Variants in HSD17B13 observed in about 807,000 individuals in gnomAD.
HSD17B13 encodes 17-beta-hydroxysteroid dehydrogenase 13.
In HSD17B13, 26 loss-of-function variants were observed where a neutral mutation model predicts 31.1. The ratio of observed to expected loss-of-function variants is 0.84; its 90% CI spans 0.61 to 1.16. The LOEUF (loss-of-function observed/expected upper bound fraction) is 1.16. Among genes scored for constraint, HSD17B13 ranks in the 50% most tolerant of loss-of-function variants. The probability of loss-of-function intolerance (pLI) is 0.00; values close to 1 mark genes in which losing one functional copy is unlikely to be tolerated. For synonymous variants in HSD17B13, 141 were observed against 133.7 expected (o/e 1.05, Z -0.38); for missense variants, 374 against 366.5 (o/e 1.02, Z -0.17).
Position 87,309,384 on chromosome 4 carries a change from CAA to C in HSD17B13, c.812+857_812+858del, listed in dbSNP as rs369280214. Among the ~76,000 whole-genome samples, 119 of 50,080 alleles carry C rather than the reference CAA, an allele frequency of 2.4e-3. 1 individual carries two copies. Among genetic ancestry groups the C allele is most frequent in the Admixed American group, 4.6e-3 (17 of 3,726 alleles). The allele number at this position is 50,080 out of a possible 152,430, so 32.9% of individuals were successfully genotyped here. On this transcript the variant is annotated intron_variant, in intron 6 of 6. Coordinates refer to ENST00000328546, the MANE Select transcript of HSD17B13 (RefSeq NM_178135.5). ...GGGCAACAAGGGTGAAACTCTGTCT[CAA>C]AAAAAAAAAAAAAAAAAAAAAAAAG...
chr4:87,305,874 A>G (rs1042838356), intron 6 of HSD17B13, among the ~76,000 whole-genome samples: 3 of 152,206 alleles, frequency 2.0e-5, no homozygotes, highest in Admixed American at 1.3e-4. Context: ...TGATTACAGC[A>G]TCAAGACATT....
chr4:87,315,682 A>C (rs990411865), intron 3 of HSD17B13, 83 bp from the exon 4 acceptor site: 5 of 739,922 alleles, frequency 6.8e-6, no homozygotes, highest in Non-Finnish European at 1.1e-5. Flanking sequence ...TTGTTAAGAC[A>C]GAAAGGCATT....
At position 87,322,741 on chromosome 4, in the gene HSD17B13, A is replaced by T. The variant is rs778576595; in HGVS notation, c.101T>A (p.Val34Glu). 6.2e-7 allele frequency: 1 copy of T among 1,614,128 alleles called. No homozygotes were observed. The highest frequency in any genetic ancestry group is 8.5e-7 in the Non-Finnish European group (1 of 1,179,962). The stretch of plus-strand genomic sequence containing the variant: ...AGTAATGAGAACAATCTCCCCAGCC[A>T]CAGATTTTCTCCTCTGAGGAATGAA... ...KFFIPQRRKS[V>E]AGEIVLITGA... is the part of the protein sequence containing the mutation. Residue 34 changes from valine to glutamate, a missense_variant, in exon 1 of 7, where the codon GTG (valine) becomes GAG (glutamate). Physicochemically the swap from Val to Glu is moderately radical, Grantham distance 121 (BLOSUM62 -2). Coordinates refer to ENST00000328546, the MANE Select transcript of HSD17B13 (RefSeq NM_178135.5).
At chr4:87,312,561 G>A (rs867119396) in intron 5 of HSD17B13, among the ~76,000 whole-genome samples, 3 of 108,386 alleles carry the variant, frequency 2.8e-5, no homozygotes, top group Admixed American at 1.5e-4. Flanking sequence ...ACGGAGTCTC[G>A]CTCTGTCGCC....
intron 5 of HSD17B13, among the ~76,000 whole-genome samples, chr4:87,310,738 T>C (rs1238791804): frequency 6.6e-6 from 1 of 152,248 alleles, no homozygotes; most frequent in African/African-American, 2.4e-5. Context: ...GAGAAAATTC[T>C]ATAGCTAAGT....
chr4:87,315,956 T>C (rs1247589667), intron 3 of HSD17B13, among the ~76,000 whole-genome samples: 2 of 152,134 alleles, frequency 1.3e-5, no homozygotes, highest in African/African-American at 4.8e-5. Context: ...AATTTTTTGG[T>C]TTGGGGCTTT....
chr4:87,312,358 A>G (rs1391602961), intron 5 of HSD17B13, among the ~76,000 whole-genome samples: 1 of 152,192 alleles, frequency 6.6e-6, no homozygotes, highest in Non-Finnish European at 1.5e-5. Flanking sequence ...GACAATGTGC[A>G]GCTCTCTGGA....
Position 87,313,971 on chromosome 4 carries a change from A to G in HSD17B13, c.558-11T>C. The G allele has an allele frequency of 2.0e-6, 3 of 1,529,836 alleles. No homozygotes were observed. The highest frequency in any genetic ancestry group is 2.6e-6 in the Non-Finnish European group (3 of 1,138,562). The allele number at this position is 1,529,836 out of a possible 1,614,324, so 94.8% of individuals were successfully genotyped here. ...GCAAATTTGCTGGAACTGTAAGAGA[A>G]TTATTAAGCATTGTTAGCTAAGGGA... On this transcript the variant is annotated splice_polypyrimidine_tract_variant and intron_variant, in intron 4 of 6. Transcript: ENST00000328546.
chr4:87,308,932 CAA>C (rs57491954), intron 6 of HSD17B13, among the ~76,000 whole-genome samples: 1 of 127,040 alleles, frequency 7.9e-6, no homozygotes, highest in Non-Finnish European at 1.6e-5. Flanking sequence ...AGGAATCTAC[CAA>C]AAAAAAAAAA....
intron 2 of HSD17B13, 105 bp from the exon 3 acceptor site, chr4:87,317,328 C>G: frequency 8.8e-7 from 1 of 1,134,640 alleles, no homozygotes; most frequent in Non-Finnish European, 1.3e-6. Context: ...TGTATGAGGT[C>G]TCTCAGAGTT....
chr4:87,311,838 A>T (rs978927762), intron 5 of HSD17B13, among the ~76,000 whole-genome samples: 2 of 152,180 alleles, frequency 1.3e-5, no homozygotes, highest in Non-Finnish European at 2.9e-5. Flanking sequence ...AACAGAGAGT[A>T]ATACAAATCA....
chr4:87,321,184 C>G (rs193166379), intron 1 of HSD17B13, among the ~76,000 whole-genome samples: 1 of 152,108 alleles, frequency 6.6e-6, no homozygotes, highest in Admixed American at 6.5e-5. Flanking sequence ...TGTGCACCCC[C>G]GCACCCAGCT....
rs1734589266 is a variant in HSD17B13 at position 87,313,869 on chromosome 4, A to G, written c.649T>C (p.Cys217Arg). Residue 217 changes from cysteine (C) to arginine (R), a missense_variant, in exon 5 of 7, where the codon TGC becomes CGC. By Grantham distance (180) the Cys-to-Arg change is radical. Transcript: ENST00000328546. ...GKTGIKTSCL[C>R]PVFVNTGFTK... ...AACCCAGTATTCACAAAAACTGGGC[A>G]GAGACATGAGGTTTTGATACCAGTT... 6.2e-7 allele frequency: 1 copy of G among 1,612,644 alleles called. No individual in the cohort carries two copies. Among genetic ancestry groups the G allele is most frequent in the Admixed American group, 1.7e-5 (1 of 59,762 alleles).
chr4:87,312,880 T>C (rs111862966), intron 5 of HSD17B13, among the ~76,000 whole-genome samples: 9,358 of 151,414 alleles, frequency 0.062, 924 homozygotes, highest in African/African-American at 0.21. Context: ...GCCAACATGG[T>C]GAAACCCCGT....
At position 87,318,760 on chromosome 4, in the gene HSD17B13, T is replaced by C. The variant is rs112880953; in HGVS notation, c.211-324A>G. Among the ~76,000 whole-genome samples the C allele has an allele frequency of 3.7e-3, 517 of 138,918 alleles. 3 individuals are homozygous for C. The highest frequency in any genetic ancestry group is 0.013 in the African/African-American group (478 of 36,536). The allele number at this position is 138,918 out of a possible 152,430, so 91.1% of individuals were successfully genotyped here. ...TTGCAGTGAGTGGAGATAGTGCCACTGGACTCCAGCCTGGGCAACAGAGTG... is the reference window on the plus strand; with the variant it reads ...TTGCAGTGAGTGGAGATAGTGCCACCGGACTCCAGCCTGGGCAACAGAGTG... On this transcript the variant is annotated intron_variant, in intron 1 of 6. Transcript: ENST00000328546.
rs142648167 is a variant in HSD17B13, at chr4:87,313,916, G to C, written c.602C>G (p.Ser201Ter). The change falls in exon 5 of 7, where the codon TCA becomes TGA. Residue 201 changes from serine to a stop codon, truncating the protein, a stop_gained. Transcript: ENST00000328546. LOFTEE classifies it high-confidence loss of function. ...AAVGFHRGLT[S>*]ELQALGKTGI... ...AGTTTTTCCCAAGGCCTGAAGTTCT[G>C]ATGTCAGACCTCTGTGAAAGCCAAC... 1.5e-3 allele frequency: 2,367 copies of C among 1,607,142 alleles called. 10 individuals are homozygous for C. The highest frequency in any genetic ancestry group is 1.3e-3 in the Non-Finnish European group (1,519 of 1,177,304).
chr4:87,308,864 C>G (rs1734454256), intron 6 of HSD17B13, among the ~76,000 whole-genome samples: 1 of 136,376 alleles, frequency 7.3e-6, no homozygotes, highest in South Asian at 2.3e-4. Flanking sequence ...AGCCATGTAG[C>G]TATTAAAGAA....
At chr4:87,307,781 G>A (rs997123631) in intron 6 of HSD17B13, among the ~76,000 whole-genome samples, 2 of 152,146 alleles carry the variant, frequency 1.3e-5, no homozygotes, top group Non-Finnish European at 2.9e-5. Flanking sequence ...AATTACAGGC[G>A]TGAGACACCA....
At chr4:87,310,505 C>T (rs1578438132) in intron 5 of HSD17B13, 146 bp from the exon 6 acceptor site, 2 of 935,476 alleles carry the variant, frequency 2.1e-6, no homozygotes, top group Non-Finnish European at 2.8e-6. Context: ...TTAATGCCAC[C>T]CTACCCACTT....
Sources: gnomAD v4.1 joint callset for allele counts (sites outside exome capture counted in the v4.1 genomes callset) on GRCh38, gnomAD v4.1.1 for gene constraint, MANE v1.5 for transcripts, NCBI Gene and HGNC (gene_info 2026-07-23, HGNC 2026-07-21) for gene names.